KLF7: variants seen among roughly 807,000 people sequenced by gnomAD.
The protein encoded by KLF7 is Krueppel-like factor 7.
KLF7 carries 2 observed loss-of-function variants against 27.3 expected under a neutral mutation model. That is an observed-to-expected ratio of 0.07 (90% CI 0.03 to 0.23). KLF7 has a LOEUF of 0.23. Ranked by LOEUF, KLF7 falls within the 10% of genes least tolerant of loss-of-function variation. The pLI, the probability that KLF7 is intolerant of heterozygous loss-of-function variation, is 1.00. For synonymous variants in KLF7, 165 were observed against 162.4 expected, an observed-to-expected ratio of 1.02 and a Z score of -0.12; for missense variants, 221 against 394.1, an observed-to-expected ratio of 0.56 and a Z score of 3.72.
intron 1 of KLF7, among the ~76,000 whole-genome samples, chr2:207,134,960 A>T (rs903387006): frequency 2.6e-5 from 4 of 152,230 alleles, no homozygotes; most frequent in African/African-American, 9.6e-5. Context: ...GCTATTCAAT[A>T]ACTAGTGTTA....
At chr2:207,171,513 T>G (rs1559180290), upstream of KLF7, among the ~76,000 whole-genome samples, 1 of 152,190 alleles carries the variant, frequency 6.6e-6, no homozygotes, top group East Asian at 1.9e-4. Flanking sequence ...AAACCTGTCA[T>G]GAAAGGAAGC....
In KLF7 at chr2:207,165,686, G is replaced by C; in HGVS notation, c.-118C>G. On this transcript the variant is annotated 5_prime_UTR_variant, in exon 1 of 4. Transcript: ENST00000309446. ...AAGGCAGACATCCAGTGGCCCTTTT[G>C]TTTTGTTTTGTTTCAGTCAACTAAA... is the stretch of plus-strand genomic sequence containing the variant. 1.3e-6 allele frequency: 2 copies of C among 1,505,324 alleles called. No homozygotes were observed. Among genetic ancestry groups the C allele is most frequent in the South Asian group, 2.5e-5 (2 of 79,306 alleles). 93.2% of individuals were successfully genotyped at this position (1,505,324 alleles called of 1,614,324 possible).
chr2:207,140,595 T>C (rs2077912909), intron 1 of KLF7, among the ~76,000 whole-genome samples: 4 of 152,280 alleles, frequency 2.6e-5, no homozygotes, highest in South Asian at 4.1e-4. Context: ...TGGATGCCAG[T>C]AGCTGCTCCC....
At chr2:207,164,588 C>T (rs1375351399) in intron 1 of KLF7, among the ~76,000 whole-genome samples, 1 of 152,126 alleles carries the variant, frequency 6.6e-6, no homozygotes. Flanking sequence ...TCACAAAGCC[C>T]AGTGAACTTG....
At chr2:207,107,179 T>C (rs1311540428) in intron 2 of KLF7, among the ~76,000 whole-genome samples, 1 of 152,088 alleles carries the variant, frequency 6.6e-6, no homozygotes, top group Non-Finnish European at 1.5e-5. Context: ...GCATGACAAA[T>C]CTCAAGAAAG....
intron 3 of KLF7, among the ~76,000 whole-genome samples, chr2:207,082,815 T>G (rs1574411111): frequency 1.3e-5 from 2 of 152,226 alleles, no homozygotes; most frequent in Admixed American, 1.3e-4. Flanking sequence ...AGGATTTCCC[T>G]ATGTTTGTTC....
intron 1 of KLF7, among the ~76,000 whole-genome samples, chr2:207,133,160 C>G (rs1299518880): frequency 6.6e-6 from 1 of 152,204 alleles, no homozygotes; most frequent in Non-Finnish European, 1.5e-5. Context: ...GCCCTCATCT[C>G]CCAACCAGGC....
chr2:207,166,309 T>G (rs971549708), upstream of KLF7: 21 of 396,430 alleles, frequency 5.3e-5, no homozygotes, highest in Non-Finnish European at 6.8e-5. Flanking sequence ...CGGATCTCCC[T>G]GCTGCCTTAC....
intron 2 of KLF7, among the ~76,000 whole-genome samples, chr2:207,088,794 C>A (rs1048337832): frequency 6.6e-6 from 1 of 152,076 alleles, no homozygotes; most frequent in Non-Finnish European, 1.5e-5. Context: ...TGTTAACCTT[C>A]AAAAGTGGTT....
intron 1 of KLF7, among the ~76,000 whole-genome samples, chr2:207,155,689 C>G (rs1233124658): frequency 6.6e-6 from 1 of 152,190 alleles, no homozygotes; most frequent in Non-Finnish European, 1.5e-5. Flanking sequence ...ATGAAGTCGA[C>G]TCAGGTCTGA....
intron 1 of KLF7, among the ~76,000 whole-genome samples, chr2:207,145,086 C>T (rs2078061268): frequency 6.6e-6 from 1 of 152,334 alleles, no homozygotes; most frequent in Non-Finnish European, 1.5e-5. Flanking sequence ...ATGGAACTCT[C>T]GTATCTATAT....
At chr2:207,170,670 T>C (rs985150425), upstream of KLF7, among the ~76,000 whole-genome samples, 2 of 152,186 alleles carry the variant, frequency 1.3e-5, no homozygotes, top group African/African-American at 2.4e-5. Flanking sequence ...TTAAGAATTA[T>C]ACTACATCTA....
chr2:207,136,495 G>A (rs986941593), intron 1 of KLF7, among the ~76,000 whole-genome samples: 1 of 152,134 alleles, frequency 6.6e-6, no homozygotes, highest in African/African-American at 2.4e-5. Context: ...CCTACTCAGA[G>A]AATCCTTCTT....
At chr2:207,173,291 T>C in the KLF7 span, among the ~76,000 whole-genome samples, 1 of 152,168 alleles carries the variant, frequency 6.6e-6, no homozygotes, top group South Asian at 2.1e-4. Flanking sequence ...ATAATTTGAC[T>C]TCCCGCTTGT....
At position 207,124,198 on chromosome 2, in the gene KLF7, C is replaced by G. The variant is rs1337724135; in HGVS notation, c.309G>C (p.Lys103Asn). ...SAVDILLSRD[K>N]LLSETCLSLQ... ...GGCTGAGGCAGGTCTCAGATAGCAA[C>G]TTGTCCCGAGAGAGCAAGATGTCCA... The change falls in exon 2 of 4, where the codon AAG (lysine) becomes AAC (asparagine). Residue 103 changes from lysine to asparagine, a missense_variant. Around this residue, in one of 3 missense-constraint regions of KLF7, gnomAD observed 180 missense variants for 227.9 expected, o/e 0.79. Coordinates refer to ENST00000309446, the MANE Select transcript of KLF7 (RefSeq NM_003709.4). 1 of 1,613,988 alleles carries G rather than the reference C, an allele frequency of 6.2e-7. No individual in the cohort carries two copies. The highest frequency in any genetic ancestry group is 8.5e-7 in the Non-Finnish European group (1 of 1,180,040).
chr2:207,105,014 T>C (rs2076848874), intron 2 of KLF7, among the ~76,000 whole-genome samples: 1 of 152,190 alleles, frequency 6.6e-6, no homozygotes, highest in African/African-American at 2.4e-5. Context: ...CACAGAATGG[T>C]ACTACTGACT....
chr2:207,161,241 T>C (rs1351389502), intron 1 of KLF7, among the ~76,000 whole-genome samples: 1 of 152,230 alleles, frequency 6.6e-6, no homozygotes, highest in East Asian at 1.9e-4. Flanking sequence ...TGCATCTTCA[T>C]AAAGATAAAT....
chr2:207,152,309 A>G (rs62188624), intron 1 of KLF7, among the ~76,000 whole-genome samples: 41,323 of 142,556 alleles, frequency 0.29, 6,583 homozygotes, highest in Middle Eastern at 0.4. Flanking sequence ...ACACACACAC[A>G]CGGAGTTTTT....
intron 2 of KLF7, among the ~76,000 whole-genome samples, chr2:207,108,189 A>G (rs905987131): frequency 6.6e-6 from 1 of 152,196 alleles, no homozygotes; most frequent in Non-Finnish European, 1.5e-5. Context: ...GGAAAACCAC[A>G]AAAACAAAAA....
Sources: gnomAD v4.1 joint callset for allele counts (sites outside exome capture counted in the v4.1 genomes callset) on GRCh38, gnomAD v4.1.1 for gene constraint, gnomAD v4.1.1 regional missense constraint, MANE v1.5 for transcripts, NCBI Gene and HGNC (gene_info 2026-07-23, HGNC 2026-07-21) for gene names.